The following ERC2 variants were observed in gnomAD, a reference collection of about 807,000 sequenced individuals.
ERC2 encodes the protein ELKS/RAB6-interacting/CAST family member 2.
ERC2 carries 42 observed loss-of-function variants against 114.8 expected under a neutral mutation model. That is an observed-to-expected ratio of 0.37 (90% confidence interval 0.29 to 0.47). The LOEUF (loss-of-function observed/expected upper bound fraction) is 0.47, where lower values mean the gene tolerates loss of function less well. Ranked by LOEUF, ERC2 falls within the 20% of genes least tolerant of loss-of-function variation. The pLI is 0.99. For missense variants in ERC2, 939 were observed against 1,150.7 expected, an observed-to-expected ratio of 0.82 and a Z score of 2.66; for synonymous variants, 454 against 425.5, an observed-to-expected ratio of 1.07 and a Z score of -0.82.
At chr3:56,376,090 C>G (rs1031918968) in intron 2 of ERC2, among the ~76,000 whole-genome samples, 1 of 152,202 alleles carries the variant, frequency 6.6e-6, no homozygotes, top group Non-Finnish European at 1.5e-5. Context: ...CCAGGTGGCA[C>G]ATTGATTGCA....
intron 14 of ERC2, among the ~76,000 whole-genome samples, chr3:55,752,946 C>T (rs560377035): frequency 1.8e-4 from 28 of 152,270 alleles, no homozygotes; most frequent in African/African-American, 5.1e-4. Flanking sequence ...AGCAGCCGAC[C>T]GCAGCTCTAC....
At chr3:55,939,187 CA>C (rs928068077) in intron 13 of ERC2, among the ~76,000 whole-genome samples, 1 of 152,182 alleles carries the variant, frequency 6.6e-6, no homozygotes, top group African/African-American at 2.4e-5. Flanking sequence ...AACAAAGTGG[CA>C]GGGGCAATCC....
intron 3 of ERC2, among the ~76,000 whole-genome samples, chr3:56,260,439 G>A (rs1054318372): frequency 2.6e-5 from 4 of 152,088 alleles, no homozygotes; most frequent in Admixed American, 6.5e-5. Context: ...GGAGAACATC[G>A]CCCCCGCGCC....
chr3:55,648,430 T>C (rs998526478), intron 17 of ERC2, among the ~76,000 whole-genome samples: 4 of 152,168 alleles, frequency 2.6e-5, no homozygotes, highest in African/African-American at 7.2e-5. Context: ...GATTCAGTGA[T>C]AAAGGACTTT....
At chr3:55,935,522 G>C (rs1404720434) in intron 13 of ERC2, among the ~76,000 whole-genome samples, 1 of 152,210 alleles carries the variant, frequency 6.6e-6, no homozygotes, top group Non-Finnish European at 1.5e-5. Context: ...CTTGGCTAGT[G>C]AGAAAATTCC....
chr3:56,248,013 T>G (rs756473994), intron 3 of ERC2, among the ~76,000 whole-genome samples: 2 of 152,208 alleles, frequency 1.3e-5, no homozygotes, highest in African/African-American at 2.4e-5. Flanking sequence ...TTGGTCTTGA[T>G]GGTGAAAGTA....
chr3:55,601,406 C>T (rs1260202081), intron 17 of ERC2, among the ~76,000 whole-genome samples: 1 of 152,148 alleles, frequency 6.6e-6, no homozygotes, highest in Admixed American at 6.5e-5. Flanking sequence ...CAAGTAGAAA[C>T]CTAGGTGCTC....
chr3:56,013,194 A>G (rs1460154984), intron 8 of ERC2, among the ~76,000 whole-genome samples: 1 of 152,230 alleles, frequency 6.6e-6, no homozygotes, highest in Non-Finnish European at 1.5e-5. Context: ...GTTCCTGGAA[A>G]GTAAAAGGAA....
chr3:55,541,490 C>T (rs2054391869), intron 17 of ERC2, among the ~76,000 whole-genome samples: 1 of 152,188 alleles, frequency 6.6e-6, no homozygotes, highest in Non-Finnish European at 1.5e-5. Context: ...TAAATAAAAG[C>T]CATTGGCTTT....
At chr3:56,367,345 T>C (rs1311702148) in intron 2 of ERC2, among the ~76,000 whole-genome samples, 1 of 151,892 alleles carries the variant, frequency 6.6e-6, no homozygotes, top group Non-Finnish European at 1.5e-5. Context: ...ATTTGAACAA[T>C]CTTAAATAAC....
chr3:56,157,009 T>C (rs531783403), intron 4 of ERC2, among the ~76,000 whole-genome samples: 16 of 152,318 alleles, frequency 1.1e-4, no homozygotes, highest in South Asian at 6.2e-4. Flanking sequence ...GAAATTCTCA[T>C]TTAATATTCC....
chr3:56,299,056 T>C (rs1273517047), intron 2 of ERC2, among the ~76,000 whole-genome samples: 1 of 151,412 alleles, frequency 6.6e-6, no homozygotes, highest in Admixed American at 6.6e-5. Context: ...GCATTTTATA[T>C]ATCTATATAT....
intron 8 of ERC2, 101 bp downstream of exon 8, chr3:56,018,792 AG>A: frequency 7.6e-7 from 1 of 1,319,598 alleles, no homozygotes; most frequent in Non-Finnish European, 1.0e-6. Context: ...AGGTAGTGTT[AG>A]CAAAAGAAGA....
chr3:56,073,878 G>A (rs1017735265), intron 7 of ERC2, among the ~76,000 whole-genome samples: 13 of 152,166 alleles, frequency 8.5e-5, no homozygotes, highest in African/African-American at 3.1e-4. Flanking sequence ...TACATAAAGA[G>A]CTTCTGGGGG....
At chr3:55,620,417 A>G in intron 17 of ERC2, among the ~76,000 whole-genome samples, 1 of 152,200 alleles carries the variant, frequency 6.6e-6, no homozygotes, top group East Asian at 1.9e-4. Flanking sequence ...TTCCTCAATT[A>G]CCACAGAAAA....
At position 56,319,261 on chromosome 3, in the gene ERC2, G is replaced by A. The variant is rs77759909; in HGVS notation, c.658-22826C>T. On this transcript the variant is annotated intron_variant, in intron 2 of 17. Transcript: ENST00000288221. ...ACTAAGTGTTCATAAATGGATGAAC[G>A]GATAAAGAAAATGTGGTATATACAC... Among the ~76,000 whole-genome samples, 884 of 151,702 alleles carry A rather than the reference G, an allele frequency of 5.8e-3. 15 individuals are homozygous for A. Among genetic ancestry groups the A allele is most frequent in the African/African-American group, 0.021 (852 of 41,340 alleles).
intron 12 of ERC2, among the ~76,000 whole-genome samples, chr3:55,963,350 A>C (rs548389614): frequency 6.6e-6 from 1 of 152,358 alleles, no homozygotes; most frequent in East Asian, 1.9e-4. Context: ...CTGTACAGAC[A>C]GATTAAATCT....
At chr3:56,291,612 A>C (rs2055089872) in intron 3 of ERC2, among the ~76,000 whole-genome samples, 1 of 152,176 alleles carries the variant, frequency 6.6e-6, no homozygotes, top group African/African-American at 2.4e-5. Context: ...CTAGCACTCC[A>C]TTCCCCAGCT....
chr3:56,279,218 T>C (rs1390873790), intron 3 of ERC2, among the ~76,000 whole-genome samples: 1 of 152,236 alleles, frequency 6.6e-6, no homozygotes. Context: ...TTTGGGTTTT[T>C]ATCATATACT....
Sources: gnomAD v4.1 joint callset for allele counts (sites outside exome capture counted in the v4.1 genomes callset) on GRCh38, gnomAD v4.1.1 for gene constraint, MANE v1.5 for transcripts, NCBI Gene and HGNC (gene_info 2026-07-23, HGNC 2026-07-21) for gene names.